The following ACAD11 variants were observed in gnomAD, a reference collection of about 807,000 sequenced individuals.
The protein encoded by ACAD11 is acyl-CoA dehydrogenase family member 11.
In ACAD11, 83 loss-of-function variants were observed where a neutral mutation model predicts 102.2. The ratio of observed to expected loss-of-function variants is 0.81; its 90% CI spans 0.68 to 0.97. The LOEUF is 0.97. Ranked by LOEUF, ACAD11 falls within the 50% of genes least tolerant of loss-of-function variation. ACAD11 has a pLI of 0.00. For synonymous variants in ACAD11, 324 were observed against 319.8 expected (o/e 1.01, Z -0.14); for missense variants, 901 against 951.7 (o/e 0.95, Z 0.70).
At chr3:132,601,037 C>T (rs1938566045) in intron 13 of ACAD11, 1 of 1,613,898 alleles carries the variant, frequency 6.2e-7, no homozygotes, top group African/African-American at 1.3e-5. Flanking sequence ...AGTACCCTTT[C>T]TTATTATGGG....
chr3:132,568,240 C>T (rs148974685), intron 17 of ACAD11, among the ~76,000 whole-genome samples: 58 of 151,926 alleles, frequency 3.8e-4, no homozygotes, highest in Middle Eastern at 3.4e-3. Flanking sequence ...AAAAACAAAA[C>T]AAAAAAACTA....
chr3:132,596,392 A>G (rs1399295531), intron 13 of ACAD11, among the ~76,000 whole-genome samples: 11 of 152,190 alleles, frequency 7.2e-5, no homozygotes, highest in Non-Finnish European at 1.6e-4. Flanking sequence ...TTACCTGTGT[A>G]ACAAACTTGC....
intron 17 of ACAD11, among the ~76,000 whole-genome samples, chr3:132,573,082 C>T (rs1274232492): frequency 6.6e-6 from 1 of 152,078 alleles, no homozygotes; most frequent in Non-Finnish European, 1.5e-5. Context: ...CCTCTCCTTG[C>T]CCCCACCCTC....
chr3:132,632,278 G>A (rs1029406140), intron 5 of ACAD11, among the ~76,000 whole-genome samples: 15 of 151,906 alleles, frequency 9.9e-5, no homozygotes, highest in Non-Finnish European at 1.8e-4. Flanking sequence ...CTAGAGACAG[G>A]GTTTCACCAT....
intron 6 of ACAD11, 51 bp downstream of exon 6, chr3:132,631,290 T>G: frequency 2.6e-6 from 3 of 1,156,910 alleles, no homozygotes; most frequent in Non-Finnish European, 3.4e-6. Context: ...ATGAAAGTAA[T>G]AAAGACAGTT....
intron 17 of ACAD11, among the ~76,000 whole-genome samples, chr3:132,571,409 A>C (rs1937376768): frequency 6.7e-6 from 1 of 148,746 alleles, no homozygotes; most frequent in Non-Finnish European, 1.5e-5. Flanking sequence ...GACTTTTGTC[A>C]GATGCAAATA....
chr3:132,600,479 G>C, intron 13 of ACAD11: 1 of 1,613,742 alleles, frequency 6.2e-7, no homozygotes, highest in Non-Finnish European at 8.5e-7. Flanking sequence ...CAGTCAATAT[G>C]AACTGATCTG....
intron 5 of ACAD11, among the ~76,000 whole-genome samples, chr3:132,632,166 C>T (rs1484523574): frequency 2.6e-5 from 4 of 151,554 alleles, no homozygotes; most frequent in African/African-American, 7.3e-5. Flanking sequence ...TCACTGCAAG[C>T]TCCGCCTCCC....
intron 1 of ACAD11, chr3:132,645,683 A>G (rs1467779659): frequency 6.6e-6 from 1 of 152,262 alleles, no homozygotes; most frequent in Non-Finnish European, 1.5e-5. Flanking sequence ...AGAAAAAAAA[A>G]TCTTTGGAGC....
intron 13 of ACAD11, among the ~76,000 whole-genome samples, chr3:132,587,785 C>T (rs568711147): frequency 1.3e-5 from 2 of 152,268 alleles, no homozygotes; most frequent in Non-Finnish European, 2.9e-5. Context: ...CAGAGTCTAT[C>T]ACAATTCAGG....
chr3:132,599,096 T>C (rs900484581), intron 13 of ACAD11, among the ~76,000 whole-genome samples: 2 of 152,178 alleles, frequency 1.3e-5, no homozygotes, highest in African/African-American at 4.8e-5. Context: ...GTAGATTGCT[T>C]GAGCCCAGGA....
chr3:132,620,521 A>G (rs1939568142), intron 9 of ACAD11: 1 of 152,260 alleles, frequency 6.6e-6, no homozygotes, highest in Non-Finnish European at 1.5e-5. Context: ...CATTAGTAAG[A>G]GTTAGCAAAA....
At chr3:132,563,085 C>A (rs148843485) in intron 17 of ACAD11, among the ~76,000 whole-genome samples, 2 of 152,306 alleles carry the variant, frequency 1.3e-5, no homozygotes, top group East Asian at 1.9e-4. Context: ...AAAGATGTAA[C>A]CTTTTCCATT....
chr3:132,605,233 T>C (rs1938791734), intron 11 of ACAD11, 28 bp from the exon 12 acceptor site: 3 of 1,557,278 alleles, frequency 1.9e-6, no homozygotes, highest in Non-Finnish European at 1.8e-6. Flanking sequence ...GTATTTGTTT[T>C]GCATTTGAAA....
At chr3:132,626,403 A>AC (rs1485317302) in intron 9 of ACAD11, among the ~76,000 whole-genome samples, 1 of 151,948 alleles carries the variant, frequency 6.6e-6, no homozygotes, top group African/African-American at 2.4e-5. Context: ...AAAAAAAAAA[A>AC]GCTGAAACTT....
intron 13 of ACAD11, among the ~76,000 whole-genome samples, chr3:132,581,818 A>G (rs1202966287): frequency 1.3e-5 from 2 of 148,180 alleles, no homozygotes; most frequent in African/African-American, 4.9e-5. Context: ...ACAGAAGGAC[A>G]CAAAATCTAA....
intron 12 of ACAD11, 122 bp from the exon 13 acceptor site, chr3:132,603,449 T>A (rs1938702714): frequency 3.9e-6 from 3 of 759,738 alleles, no homozygotes; most frequent in African/African-American, 3.5e-5. Flanking sequence ...TCACTCCCCA[T>A]TCCACCCTGC....
rs138611343 is a variant in ACAD11, at chr3:132,559,063, G to A, written c.2251C>T (p.Arg751Cys). The change falls in exon 20 of 20, where the codon CGT (arginine) becomes TGT (cysteine). Residue 751 changes from arginine to cysteine, a missense_variant. Transcript: ENST00000264990. Reference protein sequence around the residue: ...ANMYAITRVLRLADGPDEVHL... With the variant: ...ANMYAITRVLCLADGPDEVHL... ...ACTTCGTCAGGTCCATCTGCTAAAC[G>A]CAAAACTCGGGTTATAGCATACCTG... The A allele has an allele frequency of 3.0e-3, 4,815 of 1,613,378 alleles. 190 individuals are homozygous for A. In the Admixed American group the frequency reaches 0.061, roughly 20 times the overall value.
chr3:132,642,484 T>C (rs1422554333), intron 3 of ACAD11, among the ~76,000 whole-genome samples, 193 bp downstream of exon 3: 1 of 152,234 alleles, frequency 6.6e-6, no homozygotes, highest in East Asian at 1.9e-4. Flanking sequence ...ACTAAATTTG[T>C]TTCTTGTCTA....
Sources: gnomAD v4.1 joint callset for allele counts (sites outside exome capture counted in the v4.1 genomes callset) on GRCh38, gnomAD v4.1.1 for gene constraint, MANE v1.5 for transcripts, NCBI Gene and HGNC (gene_info 2026-07-23, HGNC 2026-07-21) for gene names.